The following CLEC16A variants were observed in gnomAD, a reference collection of about 807,000 sequenced individuals.
The protein encoded by CLEC16A is C-type lectin domain containing 16A.
In CLEC16A, 51 loss-of-function variants were observed where a neutral mutation model predicts 109.5. The observed-to-expected ratio is 0.47, with a 90% CI of 0.37 to 0.59. The LOEUF is 0.59. Ranked by LOEUF, CLEC16A falls within the 20% of genes least tolerant of loss-of-function variation. The pLI, the probability that CLEC16A is intolerant of heterozygous loss-of-function variation, is 0.00. For missense variants in CLEC16A, 1,339 were observed against 1,394.0 expected (o/e 0.96, Z 0.63); for synonymous variants, 673 against 564.2 (o/e 1.19, Z -2.73).
chr16:10,999,495 G>A (rs1383983363), intron 10 of CLEC16A, among the ~76,000 whole-genome samples: 4 of 152,190 alleles, frequency 2.6e-5, no homozygotes, highest in African/African-American at 7.2e-5. Context: ...TGCTGAGTCT[G>A]CATCAGTTTA....
chr16:11,138,018 C>T (rs1046544239), intron 22 of CLEC16A, among the ~76,000 whole-genome samples: 2 of 152,150 alleles, frequency 1.3e-5, no homozygotes, highest in Non-Finnish European at 2.9e-5. Flanking sequence ...CTTCAAAGCA[C>T]GGCAGCTCCT....
chr16:11,153,220 A>G (rs1003191088), intron 22 of CLEC16A, among the ~76,000 whole-genome samples: 1 of 152,052 alleles, frequency 6.6e-6, no homozygotes, highest in African/African-American at 2.4e-5. Flanking sequence ...TCCTTCCCCA[A>G]CTGTGCAATT....
intron 20 of CLEC16A, 73 bp downstream of exon 20, chr16:11,120,839 C>CACACA: frequency 7.2e-6 from 7 of 966,018 alleles, no homozygotes; most frequent in Middle Eastern, 2.9e-4. Flanking sequence ...CACACACACA[C>CACACA]CACACACAAT....
intron 12 of CLEC16A, among the ~76,000 whole-genome samples, chr16:11,022,312 G>T (rs1454980881): frequency 6.6e-6 from 1 of 151,174 alleles, no homozygotes; most frequent in Non-Finnish European, 1.5e-5. Flanking sequence ...TGGGACTACA[G>T]GCCAGAGTCA....
chr16:11,081,200 G>A (rs1480733051), intron 19 of CLEC16A, among the ~76,000 whole-genome samples: 1 of 152,222 alleles, frequency 6.6e-6, no homozygotes, highest in Non-Finnish European at 1.5e-5. Flanking sequence ...CCGGTGCAGG[G>A]TGGAGGCATG....
At chr16:11,048,370 G>A (rs909080989) in intron 17 of CLEC16A, 2 of 152,248 alleles carry the variant, frequency 1.3e-5, no homozygotes, top group East Asian at 3.8e-4. Context: ...TCTCTGCTTT[G>A]CGCGTTTGTC....
intron 12 of CLEC16A, among the ~76,000 whole-genome samples, chr16:11,022,669 G>A (rs2046179363): frequency 6.6e-6 from 1 of 152,020 alleles, no homozygotes; most frequent in Non-Finnish European, 1.5e-5. Flanking sequence ...GGAGGCCAAG[G>A]TGGGCAGATC....
At chr16:11,120,536 A>T in intron 19 of CLEC16A, 79 bp from the exon 20 acceptor site, 1 of 1,445,264 alleles carries the variant, frequency 6.9e-7, no homozygotes, top group Non-Finnish European at 9.3e-7. Context: ...TCCTGATAGA[A>T]TGAGAGTCAG....
chr16:11,001,969 A>G (rs2044695008), intron 10 of CLEC16A, among the ~76,000 whole-genome samples: 1 of 152,226 alleles, frequency 6.6e-6, no homozygotes, highest in Non-Finnish European at 1.5e-5. Flanking sequence ...TATAATAGCA[A>G]GGCACGCTAG....
At chr16:10,957,177 A>G (rs2042029394) in intron 1 of CLEC16A, among the ~76,000 whole-genome samples, 2 of 152,220 alleles carry the variant, frequency 1.3e-5, no homozygotes, top group South Asian at 4.1e-4. Context: ...CACCCAGATC[A>G]TTTGAGCCAT....
At chr16:11,002,035 TTAATAA>T (rs1297591939) in intron 10 of CLEC16A, among the ~76,000 whole-genome samples, 7 of 152,198 alleles carry the variant, frequency 4.6e-5, no homozygotes, top group African/African-American at 2.4e-5. Context: ...TGGGTTAAAA[TTAATAA>T]TAATATCAGT....
intron 10 of CLEC16A, among the ~76,000 whole-genome samples, chr16:11,000,675 GTT>G (rs1262627832): frequency 1.3e-5 from 2 of 152,138 alleles, no homozygotes; most frequent in East Asian, 3.8e-4. Flanking sequence ...CGCTATCTGG[GTT>G]TCCTGGACAG....
Position 11,044,050 on chromosome 16 carries a change from A to G in CLEC16A, c.1793A>G (p.His598Arg). The change falls in exon 16 of 24, where the codon CAC becomes CGC. Residue 598 changes from histidine (H) to arginine (R), a missense_variant. Around this residue, in one of 3 missense-constraint regions of CLEC16A, gnomAD observed 1,061 missense variants for 1,006.8 expected, o/e 1.05. Transcript: ENST00000409790. ...CLEGAREESV[H>R]LVRHFYKGED... ...CAGGGTGCGAGAGAAGAAAGTGTTC[A>G]CCTTGTACGACATTTTTATAAGGTA... is the stretch of plus-strand genomic sequence containing the variant. 6.2e-7 allele frequency: 1 copy of G among 1,609,454 alleles called. No homozygotes were observed. The highest frequency in any genetic ancestry group is 8.5e-7 in the Non-Finnish European group (1 of 1,177,148).
chr16:11,172,277 C>G (rs1361446496), intron 23 of CLEC16A, among the ~76,000 whole-genome samples: 2 of 152,200 alleles, frequency 1.3e-5, no homozygotes, highest in African/African-American at 4.8e-5. Context: ...TGGTCACACA[C>G]ACATACCTGC....
At chr16:11,114,128 CGTGTGTGTGTGTGT>C (rs3030600) in intron 19 of CLEC16A, among the ~76,000 whole-genome samples, 10,124 of 127,304 alleles carry the variant, frequency 0.08, 377 homozygotes, top group Non-Finnish European at 0.086. Context: ...TGAGGATGGC[CGTGTGTGTGTGTGT>C]GTGTGTGTGT....
At chr16:11,108,639 C>T (rs2051367485) in intron 19 of CLEC16A, among the ~76,000 whole-genome samples, 1 of 152,246 alleles carries the variant, frequency 6.6e-6, no homozygotes, top group Admixed American at 6.5e-5. Flanking sequence ...GGCCATCTGG[C>T]TGCATCCCTC....
intron 11 of CLEC16A, among the ~76,000 whole-genome samples, chr16:11,018,997 G>A (rs758798954): frequency 1.2e-4 from 19 of 152,206 alleles, no homozygotes; most frequent in Non-Finnish European, 2.4e-4. Flanking sequence ...GAATACATTA[G>A]GGTGGCAGAA....
chr16:11,130,919 G>A (rs552369313), intron 22 of CLEC16A, among the ~76,000 whole-genome samples: 1 of 152,290 alleles, frequency 6.6e-6, no homozygotes, highest in East Asian at 1.9e-4. Context: ...GATTGTATTT[G>A]ATGAAAATAT....
Position 11,135,393 on chromosome 16 carries a change from C to T in CLEC16A, c.2641+9247C>T, listed in dbSNP as rs993567894. On this transcript the variant is annotated intron_variant, in intron 22 of 23. Coordinates refer to ENST00000409790, the MANE Select transcript of CLEC16A (RefSeq NM_015226.3). ...GGTTTCCCCACTCACAACATGCCCC[C>T]CAAAGACACTTTCCCAATAGACACA... Among the ~76,000 whole-genome samples, 7 of 152,222 alleles carry T rather than the reference C, an allele frequency of 4.6e-5. No individual in the cohort carries two copies. In the East Asian group the frequency reaches 1.2e-3, roughly 25 times the overall value.
Sources: gnomAD v4.1 joint callset for allele counts (sites outside exome capture counted in the v4.1 genomes callset) on GRCh38, gnomAD v4.1.1 for gene constraint, gnomAD v4.1.1 regional missense constraint, MANE v1.5 for transcripts, NCBI Gene and HGNC (gene_info 2026-07-23, HGNC 2026-07-21) for gene names.